LPXN: variants seen among roughly 807,000 people sequenced by gnomAD.
The protein encoded by LPXN is leupaxin.
LPXN carries 28 observed loss-of-function variants against 45.6 expected under a neutral mutation model. The observed-to-expected ratio is 0.61, with a 90% CI of 0.45 to 0.84. The LOEUF (loss-of-function observed/expected upper bound fraction) is 0.84. Among genes scored for constraint, LPXN ranks in the 40% least tolerant of loss-of-function variants. The pLI, the probability that LPXN is intolerant of heterozygous loss-of-function variation, is 0.00. For synonymous variants in LPXN, 166 were observed against 169.9 expected (o/e 0.98, Z 0.18); for missense variants, 459 against 475.0 (o/e 0.97, Z 0.31).
At chr11:58,543,912 A>G (rs961011931) in intron 7 of LPXN, among the ~76,000 whole-genome samples, 2 of 152,318 alleles carry the variant, frequency 1.3e-5, no homozygotes, top group Non-Finnish European at 2.9e-5. Flanking sequence ...ACATGACAAT[A>G]GAAGCAGCTA....
At chr11:58,578,233 G>A, upstream of LPXN, 1 of 684,536 alleles carries the variant, frequency 1.5e-6, no homozygotes, top group Non-Finnish European at 2.3e-6. Context: ...GGCACGCGTC[G>A]CGACCTAACC....
chr11:58,552,799 T>C (rs1854089420), intron 4 of LPXN, among the ~76,000 whole-genome samples: 1 of 152,146 alleles, frequency 6.6e-6, no homozygotes, highest in African/African-American at 2.4e-5. Flanking sequence ...TCTGAAAGGG[T>C]GACTGACATT....
intron 4 of LPXN, 95 bp from the exon 5 acceptor site, chr11:58,551,327 T>C: frequency 9.7e-7 from 1 of 1,027,952 alleles, no homozygotes; most frequent in Non-Finnish European, 1.3e-6. Flanking sequence ...TACTGACTGA[T>C]CTCTTGGCCT....
chr11:58,548,837 T>C (rs1413160740), intron 7 of LPXN, among the ~76,000 whole-genome samples: 1 of 152,156 alleles, frequency 6.6e-6, no homozygotes, highest in African/African-American at 2.4e-5. Context: ...GACTCTAAAA[T>C]CCAGACTCTA....
chr11:58,553,165 G>A (rs530515415), intron 4 of LPXN, among the ~76,000 whole-genome samples: 102 of 151,734 alleles, frequency 6.7e-4, no homozygotes, highest in Non-Finnish European at 1.2e-3. Flanking sequence ...GCAAAACCTC[G>A]TCTCTACTAA....
chr11:58,564,672 C>T lies in LPXN; in HGVS notation c.172-471G>A, dbSNP rs542627225. ...ATTGAGGGCCTGTCATGTGCCAGGG[C>T]TGAGGATGTAGCAGTCAAAAAGCAA... On this transcript the variant is annotated intron_variant, in intron 2 of 8. Transcript: ENST00000395074. Among the ~76,000 whole-genome samples, 26 of 152,226 alleles carry T rather than the reference C, an allele frequency of 1.7e-4. No individual in the cohort carries two copies. The South Asian group carries it at 5.4e-3, about 32-fold the overall frequency.
intron 3 of LPXN, among the ~76,000 whole-genome samples, chr11:58,555,779 C>G (rs1694625205): frequency 6.6e-6 from 1 of 151,760 alleles, no homozygotes; most frequent in African/African-American, 2.4e-5. Context: ...CACACACACA[C>G]ACACACACAC....
At chr11:58,527,919 T>C in intron 8 of LPXN, 124 bp downstream of exon 8, 1 of 1,234,182 alleles carries the variant, frequency 8.1e-7, no homozygotes, top group South Asian at 1.5e-5. Flanking sequence ...TCGTTTCTCC[T>C]TTAGGATGCG....
intron 4 of LPXN, among the ~76,000 whole-genome samples, chr11:58,551,592 G>A (rs886326719): frequency 6.6e-6 from 1 of 152,130 alleles, no homozygotes; most frequent in Non-Finnish European, 1.5e-5. Flanking sequence ...TTGAATACCT[G>A]GTTTGTGCCA....
intron 7 of LPXN, among the ~76,000 whole-genome samples, chr11:58,536,421 T>C (rs986181969): frequency 1.4e-4 from 22 of 152,210 alleles, no homozygotes; most frequent in African/African-American, 5.1e-4. Flanking sequence ...GGATTCCCTA[T>C]TTAATAAATG....
chr11:58,576,178 C>CT (rs764553389), upstream of LPXN, among the ~76,000 whole-genome samples: 4,332 of 144,334 alleles, frequency 0.03, 213 homozygotes, highest in African/African-American at 0.1. Context: ...TTTCTTTTTT[C>CT]TTTTTTTTTT....
intron 1 of LPXN, among the ~76,000 whole-genome samples, chr11:58,573,025 C>A (rs554650928): frequency 6.6e-6 from 1 of 152,160 alleles, no homozygotes; most frequent in South Asian, 2.1e-4. Context: ...GCGGGCGGAT[C>A]GCCTGAGGTT....
intron 1 of LPXN, among the ~76,000 whole-genome samples, chr11:58,573,369 A>C (rs958938420): frequency 1.3e-5 from 2 of 152,160 alleles, no homozygotes; most frequent in Admixed American, 1.3e-4. Flanking sequence ...GAGAATTTTG[A>C]ATTTTTATTC....
intron 3 of LPXN, among the ~76,000 whole-genome samples, chr11:58,559,034 G>GA (rs1244637086): frequency 2.0e-5 from 3 of 151,622 alleles, no homozygotes; most frequent in African/African-American, 7.3e-5. Context: ...CTGAGCTAAA[G>GA]ATTCTTTTAA....
chr11:58,560,136 A>G (rs935407902), intron 3 of LPXN, among the ~76,000 whole-genome samples: 1 of 152,222 alleles, frequency 6.6e-6, no homozygotes, highest in Non-Finnish European at 1.5e-5. Flanking sequence ...TATATTTTTA[A>G]AACAAAACAA....
At chr11:58,546,449 C>A (rs1484195582) in intron 7 of LPXN, among the ~76,000 whole-genome samples, 1 of 152,192 alleles carries the variant, frequency 6.6e-6, no homozygotes, top group Admixed American at 6.5e-5. Flanking sequence ...AAGCTCTCTA[C>A]TGAAAAATGG....
chr11:58,564,882 T>C (rs909582846), intron 2 of LPXN, among the ~76,000 whole-genome samples: 2 of 151,930 alleles, frequency 1.3e-5, no homozygotes, highest in African/African-American at 2.4e-5. Flanking sequence ...CAAGGACTTA[T>C]ATAGGAGGTG....
chr11:58,542,485 GAATT>G (rs1052380224), intron 7 of LPXN, among the ~76,000 whole-genome samples: 1 of 151,342 alleles, frequency 6.6e-6, no homozygotes, highest in African/African-American at 2.4e-5. Flanking sequence ...TAAGTCCTAG[GAATT>G]AATTAATACA....
intron 3 of LPXN, among the ~76,000 whole-genome samples, chr11:58,556,203 T>C (rs1389343080): frequency 6.6e-6 from 1 of 152,064 alleles, no homozygotes; most frequent in African/African-American, 2.4e-5. Flanking sequence ...GTGGTGTTTA[T>C]ACTGGTTATC....
Sources: gnomAD v4.1 joint callset for allele counts (sites outside exome capture counted in the v4.1 genomes callset) on GRCh38, gnomAD v4.1.1 for gene constraint, MANE v1.5 for transcripts, NCBI Gene and HGNC (gene_info 2026-07-23, HGNC 2026-07-21) for gene names.